The following SORCS3 variants were observed in gnomAD, a reference collection of about 807,000 sequenced individuals.
SORCS3 encodes the protein sortilin related VPS10 domain containing receptor 3, also known as VPS10 domain-containing receptor SorCS3.
Under a neutral mutation model 146.3 loss-of-function variants are expected in SORCS3, and 57 were observed. That is an observed-to-expected ratio of 0.39 (90% CI 0.31 to 0.49). The LOEUF is 0.49. SORCS3 is among the 20% of genes least tolerant of loss of function. The pLI is 0.92. For synonymous variants in SORCS3, 653 were observed against 618.5 expected (o/e 1.06, Z -0.83); for missense variants, 1,341 against 1,575.5 (o/e 0.85, Z 2.52).
intron 5 of SORCS3, among the ~76,000 whole-genome samples, chr10:105,074,358 G>A (rs1453818723): frequency 6.6e-6 from 1 of 152,176 alleles, no homozygotes; most frequent in Non-Finnish European, 1.5e-5. Context: ...TACATTCCTT[G>A]TCGGAATTTT....
At chr10:104,996,043 T>C (rs1262451869) in intron 4 of SORCS3, among the ~76,000 whole-genome samples, 2 of 152,218 alleles carry the variant, frequency 1.3e-5, no homozygotes, top group Non-Finnish European at 2.9e-5. Context: ...CTGTACAGTT[T>C]TGTCAAAAAT....
intron 4 of SORCS3, among the ~76,000 whole-genome samples, chr10:105,011,791 T>C (rs2133681562): frequency 6.6e-6 from 1 of 152,314 alleles, no homozygotes; most frequent in African/African-American, 2.4e-5. Flanking sequence ...GAACACTGAC[T>C]ATGTCCCAAG....
chr10:104,953,568 G>T (rs1212470681), intron 3 of SORCS3, among the ~76,000 whole-genome samples: 1 of 152,190 alleles, frequency 6.6e-6, no homozygotes, highest in African/African-American at 2.4e-5. Context: ...CATTTTCCAG[G>T]TGCCACCATT....
chr10:104,847,258 C>T (rs1466417872), intron 2 of SORCS3, among the ~76,000 whole-genome samples: 1 of 152,224 alleles, frequency 6.6e-6, no homozygotes, highest in Non-Finnish European at 1.5e-5. Flanking sequence ...AATTAATCCA[C>T]TGCTCGAGGT....
chr10:104,868,535 G>C (rs2018484578), intron 2 of SORCS3, among the ~76,000 whole-genome samples: 1 of 152,198 alleles, frequency 6.6e-6, no homozygotes, highest in South Asian at 2.1e-4. Context: ...CATACTCATG[G>C]CTTCCAGGCC....
intron 3 of SORCS3, among the ~76,000 whole-genome samples, chr10:104,919,477 G>C (rs1036063526): frequency 1.3e-5 from 2 of 152,020 alleles, no homozygotes; most frequent in African/African-American, 2.4e-5. Flanking sequence ...GATCACCTGA[G>C]GTCGGGAGTT....
At position 105,009,542 on chromosome 10, in the gene SORCS3, A is replaced by C. The variant is rs1031595409; in HGVS notation, c.954+32049A>C. 2.2e-3 allele frequency among the ~76,000 whole-genome samples: 336 copies of C among 151,430 alleles called. 3 individuals are homozygous for C. The highest frequency in any genetic ancestry group is 3.8e-3 in the Non-Finnish European group (255 of 67,780). ...AACAAACAAACAAAAAAAAAAAAAA[A>C]AAAAAAAAACCCCAAAAACTGTAGT... On this transcript the variant is annotated intron_variant, in intron 4 of 26. Coordinates refer to ENST00000369701, the MANE Select transcript of SORCS3 (RefSeq NM_014978.3).
At chr10:104,872,529 A>T (rs779639209) in intron 2 of SORCS3, among the ~76,000 whole-genome samples, 78 of 151,598 alleles carry the variant, frequency 5.1e-4, no homozygotes, top group Non-Finnish European at 9.7e-4. Flanking sequence ...CTTTTTATTC[A>T]GAAAGTTGGA....
At chr10:104,994,664 G>T (rs73334026) in intron 4 of SORCS3, among the ~76,000 whole-genome samples, 11,363 of 152,170 alleles carry the variant, frequency 0.075, 475 homozygotes, top group African/African-American at 0.1. Context: ...CACTAGAGAT[G>T]AGTTTGCATT....
At chr10:105,237,994 A>G (rs1350681294) in intron 20 of SORCS3, among the ~76,000 whole-genome samples, 1 of 152,194 alleles carries the variant, frequency 6.6e-6, no homozygotes, top group African/African-American at 2.4e-5. Flanking sequence ...GCTCGTTGAT[A>G]TTAGGGATAG....
intron 3 of SORCS3, among the ~76,000 whole-genome samples, chr10:104,975,252 C>G (rs2054888220): frequency 6.6e-6 from 1 of 152,096 alleles, no homozygotes; most frequent in South Asian, 2.1e-4. Flanking sequence ...CACAAGCATT[C>G]TTATACACCA....
intron 1 of SORCS3, among the ~76,000 whole-genome samples, chr10:104,708,365 C>T (rs1272414806): frequency 6.6e-6 from 1 of 152,188 alleles, no homozygotes; most frequent in African/African-American, 2.4e-5. Context: ...CACAGTCTTG[C>T]AATTAAGCAC....
chr10:104,948,610 G>A (rs557423339), intron 3 of SORCS3, among the ~76,000 whole-genome samples: 2 of 152,304 alleles, frequency 1.3e-5, no homozygotes, highest in South Asian at 4.1e-4. Context: ...CCGGTTCGAT[G>A]TCTGCCCATG....
chr10:104,865,700 G>A (rs537224520), intron 2 of SORCS3, among the ~76,000 whole-genome samples: 1 of 152,314 alleles, frequency 6.6e-6, no homozygotes, highest in African/African-American at 2.4e-5. Flanking sequence ...GGAGAAACCC[G>A]TGAGTCTGAA....
intron 4 of SORCS3, among the ~76,000 whole-genome samples, chr10:105,031,269 CG>C (rs2055264752): frequency 6.6e-6 from 1 of 151,438 alleles, no homozygotes; most frequent in African/African-American, 2.4e-5. Flanking sequence ...ACTGCCCTCC[CG>C]TCTGGGCAAC....
chr10:105,057,701 C>A (rs1589612534), intron 5 of SORCS3, among the ~76,000 whole-genome samples: 1 of 152,290 alleles, frequency 6.6e-6, no homozygotes, highest in East Asian at 1.9e-4. Context: ...CTCACCCTAG[C>A]CTGTTTTGTT....
intron 7 of SORCS3, among the ~76,000 whole-genome samples, chr10:105,136,833 A>T (rs762081619): frequency 6.6e-6 from 1 of 152,204 alleles, no homozygotes; most frequent in Non-Finnish European, 1.5e-5. Context: ...TGTGGCCTTC[A>T]TATAGCCCCT....
intron 4 of SORCS3, among the ~76,000 whole-genome samples, chr10:104,988,524 G>A (rs1184010126): frequency 6.6e-6 from 1 of 152,070 alleles, no homozygotes; most frequent in Non-Finnish European, 1.5e-5. Flanking sequence ...AGGGGATTTT[G>A]TCCAGTTTTG....
chr10:105,227,460 CT>C, intron 20 of SORCS3, among the ~76,000 whole-genome samples: 1 of 152,050 alleles, frequency 6.6e-6, no homozygotes, highest in East Asian at 1.9e-4. Flanking sequence ...GTTTTGTGTC[CT>C]AACATATGGT....
Sources: allele counts gnomAD v4.1 joint callset (sites outside exome capture counted in the v4.1 genomes callset), GRCh38; gene constraint gnomAD v4.1.1; transcripts MANE v1.5; gene names NCBI Gene and HGNC (gene_info 2026-07-23, HGNC 2026-07-21).